Variants in CSMD1 observed in about 807,000 individuals in gnomAD.
CSMD1 encodes CUB and Sushi multiple domains 1.
CSMD1 carries 213 observed loss-of-function variants against 417.5 expected under a neutral mutation model. The observed-to-expected ratio is 0.51, with a 90% confidence interval of 0.46 to 0.57. The LOEUF (loss-of-function observed/expected upper bound fraction) is 0.57, where lower values mean the gene tolerates loss of function less well. Ranked by LOEUF, CSMD1 falls within the 20% of genes least tolerant of loss-of-function variation. The pLI, the probability that CSMD1 is intolerant of heterozygous loss-of-function variation, is 0.00. For synonymous variants in CSMD1, 2,862 were observed against 1,736.8 expected (o/e 1.65, Z -16.11); for missense variants, 6,923 against 4,529.7 (o/e 1.53, Z -15.17).
At chr8:3,855,867 T>C (rs191999415) in intron 5 of CSMD1, among the ~76,000 whole-genome samples, 2 of 152,308 alleles carry the variant, frequency 1.3e-5, no homozygotes, top group Non-Finnish European at 1.5e-5. Flanking sequence ...TTATGACACT[T>C]TGGAAACATT....
intron 5 of CSMD1, among the ~76,000 whole-genome samples, chr8:3,786,811 A>T (rs1324238173): frequency 6.6e-6 from 1 of 152,150 alleles, no homozygotes; most frequent in African/African-American, 2.4e-5. Flanking sequence ...GAGAGAGAAG[A>T]AGGAAACAGA....
At chr8:4,598,785 A>C (rs1003183936) in intron 2 of CSMD1, among the ~76,000 whole-genome samples, 2 of 152,190 alleles carry the variant, frequency 1.3e-5, no homozygotes, top group Non-Finnish European at 2.9e-5. Flanking sequence ...AATTTTTTTC[A>C]ATCACAGAAA....
At chr8:4,247,006 C>T (rs1037711695) in intron 3 of CSMD1, among the ~76,000 whole-genome samples, 5 of 152,174 alleles carry the variant, frequency 3.3e-5, no homozygotes, top group African/African-American at 1.2e-4. Flanking sequence ...ATAAAACACT[C>T]AGCGCCCCAT....
chr8:4,472,146 G>A (rs889223700), intron 2 of CSMD1, among the ~76,000 whole-genome samples: 1 of 152,130 alleles, frequency 6.6e-6, no homozygotes, highest in Non-Finnish European at 1.5e-5. Flanking sequence ...TGTCTTGATT[G>A]TCATACTTTT....
chr8:4,773,378 A>G (rs1352206908), intron 1 of CSMD1, among the ~76,000 whole-genome samples: 2 of 152,184 alleles, frequency 1.3e-5, no homozygotes, highest in African/African-American at 4.8e-5. Flanking sequence ...GAAACTGACC[A>G]GAAAATCCCA....
chr8:4,913,008 C>G (rs1023959241), intron 1 of CSMD1, among the ~76,000 whole-genome samples: 1 of 152,102 alleles, frequency 6.6e-6, no homozygotes, highest in African/African-American at 2.4e-5. Flanking sequence ...AGGATAGTCT[C>G]GAACTCCTGA....
chr8:3,971,132 C>G (rs878888042), intron 5 of CSMD1, among the ~76,000 whole-genome samples: 3 of 151,540 alleles, frequency 2.0e-5, no homozygotes, highest in Admixed American at 6.6e-5. Context: ...TGAAATCACA[C>G]GGTGTTAAAT....
intron 25 of CSMD1, among the ~76,000 whole-genome samples, chr8:3,294,731 C>T (rs991298112): frequency 6.6e-6 from 1 of 152,166 alleles, no homozygotes; most frequent in Non-Finnish European, 1.5e-5. Flanking sequence ...TCACCCCTTT[C>T]TTTGACTAGG....
At chr8:4,118,585 GA>G (rs1802296856) in intron 3 of CSMD1, among the ~76,000 whole-genome samples, 1 of 152,120 alleles carries the variant, frequency 6.6e-6, no homozygotes. Context: ...AAAAAGTAAG[GA>G]AACAATAGAT....
chr8:3,358,653 C>G (rs1808956882), intron 21 of CSMD1, among the ~76,000 whole-genome samples: 1 of 152,270 alleles, frequency 6.6e-6, no homozygotes, highest in East Asian at 1.9e-4. Flanking sequence ...GTGAATTCAG[C>G]ATTCAGATGC....
chr8:3,311,299 G>C (rs1182190180), intron 23 of CSMD1, among the ~76,000 whole-genome samples: 2 of 152,104 alleles, frequency 1.3e-5, no homozygotes, highest in East Asian at 3.9e-4. Context: ...GCCCAGGCTG[G>C]AATGCAGTGG....
chr8:3,506,918 T>C (rs1240672244), intron 10 of CSMD1, among the ~76,000 whole-genome samples: 1 of 152,186 alleles, frequency 6.6e-6, no homozygotes, highest in Non-Finnish European at 1.5e-5. Context: ...ATTGGCAACA[T>C]CACTTAATAA....
chr8:4,520,629 T>G (rs989482564), intron 2 of CSMD1, among the ~76,000 whole-genome samples: 1 of 152,178 alleles, frequency 6.6e-6, no homozygotes, highest in Non-Finnish European at 1.5e-5. Flanking sequence ...TTGGTTTAGA[T>G]AAGTTATTTC....
At chr8:3,649,453 T>A (rs1398469707) in intron 7 of CSMD1, among the ~76,000 whole-genome samples, 1 of 152,184 alleles carries the variant, frequency 6.6e-6, no homozygotes, top group African/African-American at 2.4e-5. Context: ...AGAGGCTGAA[T>A]TGACTCACAG....
At chr8:3,655,184 T>C (rs1220523395) in intron 7 of CSMD1, among the ~76,000 whole-genome samples, 4 of 152,200 alleles carry the variant, frequency 2.6e-5, no homozygotes, top group African/African-American at 9.6e-5. Context: ...GGAACACAGA[T>C]TATTTTTTGG....
intron 48 of CSMD1, among the ~76,000 whole-genome samples, chr8:3,090,142 G>A (rs969089322): frequency 2.6e-5 from 4 of 151,664 alleles, no homozygotes; most frequent in Admixed American, 6.6e-5. Context: ...GTGAAACCCC[G>A]ACTCTACTAA....
chr8:3,273,217 T>A (rs1802004378), intron 26 of CSMD1, among the ~76,000 whole-genome samples: 1 of 151,172 alleles, frequency 6.6e-6, no homozygotes, highest in South Asian at 2.1e-4. Context: ...TGGTTCTGTT[T>A]ATATGCTGGA....
chr8:4,877,995 G>GT (rs1351196003), intron 1 of CSMD1, among the ~76,000 whole-genome samples: 1 of 152,030 alleles, frequency 6.6e-6, no homozygotes, highest in African/African-American at 2.4e-5. Flanking sequence ...CCATGACCCT[G>GT]TTCAGAAATA....
chr8:3,776,807 G>GATATATATATATATATATAT (rs151060171), intron 5 of CSMD1, among the ~76,000 whole-genome samples: 4,270 of 139,394 alleles, frequency 0.031, 140 homozygotes, highest in African/African-American at 0.056. Flanking sequence ...ATATAGACGA[G>GATATATATATATATATATAT]ATATATATAT....
Sources: allele counts gnomAD v4.1 joint callset (sites outside exome capture counted in the v4.1 genomes callset), GRCh38; gene constraint gnomAD v4.1.1; transcripts MANE v1.5; gene names NCBI Gene and HGNC (gene_info 2026-07-23, HGNC 2026-07-21).